The following PDE4D variants were observed in gnomAD, a reference collection of about 807,000 sequenced individuals.
The protein encoded by PDE4D is 3',5'-cyclic-AMP phosphodiesterase 4D.
PDE4D carries 24 observed loss-of-function variants against 87.4 expected under a neutral mutation model. The ratio of observed to expected loss-of-function variants is 0.27; its 90% CI spans 0.20 to 0.39. PDE4D has a LOEUF of 0.39. PDE4D is among the 10% of genes least tolerant of loss of function. The pLI, the probability that PDE4D is intolerant of heterozygous loss-of-function variation, is 1.00. For missense variants in PDE4D, 714 were observed against 1,041.0 expected (o/e 0.69, Z 4.32); for synonymous variants, 384 against 383.2 (o/e 1.00, Z -0.02).
chr5:60,221,220 C>T (rs1292716575), intron 1 of PDE4D, among the ~76,000 whole-genome samples: 2 of 151,820 alleles, frequency 1.3e-5, no homozygotes, highest in Non-Finnish European at 2.9e-5. Context: ...TCTCAAATAC[C>T]AAACGTTCTT....
intron 1 of PDE4D, among the ~76,000 whole-genome samples, chr5:59,582,309 T>C (rs1372233039): frequency 1.3e-5 from 2 of 152,174 alleles, no homozygotes; most frequent in African/African-American, 2.4e-5. Flanking sequence ...CCTAAAATTC[T>C]AATAAAATAT....
At chr5:59,394,098 A>C (rs1788806205) in intron 1 of PDE4D, among the ~76,000 whole-genome samples, 2 of 151,362 alleles carry the variant, frequency 1.3e-5, no homozygotes, top group Admixed American at 6.6e-5. Flanking sequence ...GTTCCCCTTC[A>C]GTTGCTAAAA....
chr5:59,418,360 T>C (rs1793949901), intron 1 of PDE4D, among the ~76,000 whole-genome samples: 1 of 152,228 alleles, frequency 6.6e-6, no homozygotes, highest in African/African-American at 2.4e-5. Flanking sequence ...TTTTTTTCTA[T>C]AAACGTTCAT....
chr5:59,989,680 G>C (rs1292264505), intron 2 of PDE4D, among the ~76,000 whole-genome samples: 1 of 151,950 alleles, frequency 6.6e-6, no homozygotes, highest in African/African-American at 2.4e-5. Flanking sequence ...GTAAACCCAG[G>C]TCAAAAGTTA....
intron 3 of PDE4D, among the ~76,000 whole-genome samples, chr5:59,939,375 TCAGTGAATGGC>T (rs1279823371): frequency 6.6e-6 from 1 of 152,184 alleles, no homozygotes; most frequent in African/African-American, 2.4e-5. Context: ...CTACTGTGGG[TCAGTGAATGGC>T]CTAGGCACTG....
chr5:60,353,164 C>T (rs1759342151), intron 1 of PDE4D, among the ~76,000 whole-genome samples: 1 of 152,174 alleles, frequency 6.6e-6, no homozygotes, highest in South Asian at 2.1e-4. Flanking sequence ...GATCAGGAAG[C>T]TACCTGCCAC....
At chr5:59,710,706 G>A (rs1454374596) in intron 1 of PDE4D, among the ~76,000 whole-genome samples, 1 of 152,054 alleles carries the variant, frequency 6.6e-6, no homozygotes. Context: ...CTCCATTGGT[G>A]TAGTTCTAAC....
chr5:60,273,164 A>G (rs1213621071), intron 1 of PDE4D, among the ~76,000 whole-genome samples: 1 of 152,136 alleles, frequency 6.6e-6, no homozygotes, highest in Non-Finnish European at 1.5e-5. Flanking sequence ...TGGTAATTTT[A>G]ACACTAAGGA....
intron 2 of PDE4D, among the ~76,000 whole-genome samples, chr5:60,113,155 A>G (rs1267887533): frequency 1.3e-5 from 2 of 152,158 alleles, no homozygotes; most frequent in African/African-American, 4.8e-5. Context: ...GCATTAAATA[A>G]TGTAACTCTG....
In PDE4D at chr5:59,985,388, G is replaced by A. The variant is rs79440195; in HGVS notation, c.272+3100C>T. Among the ~76,000 whole-genome samples, 584 of 151,714 alleles carry A rather than the reference G, an allele frequency of 3.8e-3. 34 individuals are homozygous for A. In the East Asian group the frequency reaches 0.1, roughly 27 times the overall value. On this transcript the variant is annotated intron_variant, in intron 3 of 16. Transcript: ENST00000502484. Reference sequence around the variant, plus strand: ...GATCTCCTCACCTTGTGATCTGCCCGCCTCAGCCTCCCAAAGTGCTGGGAT... The same window carrying A: ...GATCTCCTCACCTTGTGATCTGCCCACCTCAGCCTCCCAAAGTGCTGGGAT...
At chr5:59,031,390 T>TAG (rs1757438318) in intron 6 of PDE4D, among the ~76,000 whole-genome samples, 1 of 45,248 alleles carries the variant, frequency 2.2e-5, no homozygotes, top group East Asian at 9.8e-4. Context: ...TATATATATA[T>TAG]ATTATATATA....
chr5:60,333,938 TC>T (rs1303050489), intron 1 of PDE4D, among the ~76,000 whole-genome samples: 3 of 152,190 alleles, frequency 2.0e-5, no homozygotes, highest in Non-Finnish European at 4.4e-5. Flanking sequence ...AGATAAGCTT[TC>T]TTCATGGCTG....
chr5:59,580,285 C>T (rs910613344), intron 1 of PDE4D, among the ~76,000 whole-genome samples: 3 of 152,132 alleles, frequency 2.0e-5, no homozygotes, highest in African/African-American at 7.2e-5. Flanking sequence ...ACATTACCTT[C>T]CTCATCTGCA....
intron 5 of PDE4D, among the ~76,000 whole-genome samples, chr5:59,052,826 T>C (rs1761742477): frequency 6.6e-6 from 1 of 152,216 alleles, no homozygotes; most frequent in Non-Finnish European, 1.5e-5. Context: ...AAATCATATA[T>C]TCATATCTCT....
At chr5:59,689,555 T>A (rs547176503) in intron 1 of PDE4D, among the ~76,000 whole-genome samples, 1 of 152,278 alleles carries the variant, frequency 6.6e-6, no homozygotes, top group African/African-American at 2.4e-5. Flanking sequence ...AAACTAGGCA[T>A]TGATGGGATG....
intron 5 of PDE4D, among the ~76,000 whole-genome samples, chr5:59,146,977 C>T (rs1393018681): frequency 6.6e-6 from 1 of 152,142 alleles, no homozygotes; most frequent in Non-Finnish European, 1.5e-5. Flanking sequence ...GCGAGCATTA[C>T]CACCTGAGCT....
chr5:60,398,342 T>C (rs1561207320), intron 1 of PDE4D, among the ~76,000 whole-genome samples: 1 of 152,186 alleles, frequency 6.6e-6, no homozygotes, highest in Non-Finnish European at 1.5e-5. Flanking sequence ...GCTGTCACTT[T>C]TACGGATCTG....
intron 1 of PDE4D, among the ~76,000 whole-genome samples, chr5:59,453,713 G>C (rs186722902): frequency 3.0e-4 from 46 of 152,344 alleles, no homozygotes; most frequent in Admixed American, 2.9e-3. Flanking sequence ...AGCAGAGACT[G>C]TCTCATGAGG....
chr5:59,697,790 C>T (rs936510868), intron 1 of PDE4D, among the ~76,000 whole-genome samples: 1 of 152,134 alleles, frequency 6.6e-6, no homozygotes, highest in Non-Finnish European at 1.5e-5. Context: ...GGTAGGGGCT[C>T]AGAGTTGATT....
Sources: allele counts gnomAD v4.1 joint callset (sites outside exome capture counted in the v4.1 genomes callset), GRCh38; gene constraint gnomAD v4.1.1; transcripts MANE v1.5; gene names NCBI Gene and HGNC (gene_info 2026-07-23, HGNC 2026-07-21).